DEPDC5: variants seen among roughly 807,000 people sequenced by gnomAD.
DEPDC5 encodes DEP domain containing 5, GATOR1 subcomplex subunit.
Under a neutral mutation model 217.3 loss-of-function variants are expected in DEPDC5, and 73 were observed. The ratio of observed to expected loss-of-function variants is 0.34; its 90% confidence interval spans 0.28 to 0.41. The LOEUF (loss-of-function observed/expected upper bound fraction) is 0.41. Among genes scored for constraint, DEPDC5 ranks in the 10% least tolerant of loss-of-function variants. The probability of loss-of-function intolerance (pLI) is 1.00; values close to 1 mark genes in which losing one functional copy is unlikely to be tolerated. For missense variants in DEPDC5, 1,675 were observed against 2,070.1 expected (o/e 0.81, Z 3.70); for synonymous variants, 733 against 756.7 (o/e 0.97, Z 0.51).
chr22:31,902,559 G>C (rs114143243), intron 41 of DEPDC5, among the ~76,000 whole-genome samples: 2,834 of 151,938 alleles, frequency 0.019, 74 homozygotes, highest in African/African-American at 0.059. Flanking sequence ...GCTTAGCAAA[G>C]ACTGTGGAAT....
In DEPDC5 at chr22:31,906,700, G is replaced by A. The variant is rs1382164538; in HGVS notation, c.*203G>A. On this transcript the variant is annotated 3_prime_UTR_variant, in exon 43 of 43. Coordinates refer to ENST00000651528, the MANE Select transcript of DEPDC5 (RefSeq NM_001242896.3). This position sits in a 1 kb window ranked among gnomAD's most constrained non-coding sequence, Gnocchi z 5.1. ...TCTTCTACTCTAGAAGAAAGACTTT[G>A]GAAGCAGCTGCTGCTGCTGCCACCA... 1.5e-6 allele frequency: 1 copy of A among 676,582 alleles called. No individual in the cohort carries two copies. The highest frequency in any genetic ancestry group is 1.8e-5 in the African/African-American group (1 of 55,318). The allele number at this position is 676,582 out of a possible 1,614,324, so 41.9% of individuals were successfully genotyped here.
intron 33 of DEPDC5, among the ~76,000 whole-genome samples, chr22:31,866,106 A>G (rs2092681320): frequency 6.6e-6 from 1 of 152,126 alleles, no homozygotes; most frequent in African/African-American, 2.4e-5. Flanking sequence ...TAGAAGACCC[A>G]TGGGGGATGC....
Position 31,845,221 on chromosome 22 carries a change from C to T in DEPDC5, c.3005C>T (p.Ser1002Leu). 1 of 1,613,882 alleles carries T rather than the reference C, an allele frequency of 6.2e-7. No homozygotes were observed. The highest frequency in any genetic ancestry group is 8.5e-7 in the Non-Finnish European group (1 of 1,179,930). The change falls in exon 30 of 43, where the codon TCG (serine) becomes TTG (leucine). Residue 1002 changes from serine (S) to leucine (L), a missense_variant. Physicochemically the swap from Ser to Leu is moderately radical, Grantham distance 145 (BLOSUM62 -2). Coordinates refer to ENST00000651528, the MANE Select transcript of DEPDC5 (RefSeq NM_001242896.3). ...AATCGCATTCGCAGGCGGCATCGCT[C>T]GGATCGCATGATGCGGGTAAGGGCT... ...GLNRIRRRHR[S>L]DRMMRKGTAM...
At chr22:31,864,618 T>C (rs1454215329) in intron 33 of DEPDC5, among the ~76,000 whole-genome samples, 1 of 151,252 alleles carries the variant, frequency 6.6e-6, no homozygotes, top group Non-Finnish European at 1.5e-5. Context: ...GGATTAGAAA[T>C]AATATCCATT....
At chr22:31,800,034 C>T (rs1479017905) in intron 14 of DEPDC5, among the ~76,000 whole-genome samples, 1 of 151,888 alleles carries the variant, frequency 6.6e-6, no homozygotes, top group Non-Finnish European at 1.5e-5. Flanking sequence ...ATCTCCTGAC[C>T]TCGTGATCCG....
rs1200864978 is a variant in DEPDC5, at chr22:31,758,535, T to C, written c.59-11T>C. 6.2e-7 allele frequency: 1 copy of C among 1,613,454 alleles called. No homozygotes were observed. ...TGTTTTTCTACTTGAAGTGGCTGAA[T>C]TGTCTTTCAGATGATGAGCTAGTTG... On this transcript the variant is annotated splice_polypyrimidine_tract_variant and intron_variant, in intron 2 of 42. Coordinates refer to ENST00000651528, the MANE Select transcript of DEPDC5 (RefSeq NM_001242896.3).
At chr22:31,900,601 C>T (rs9621363) in intron 40 of DEPDC5, among the ~76,000 whole-genome samples, 23,217 of 151,838 alleles carry the variant, frequency 0.15, 2,714 homozygotes, top group African/African-American at 0.33. Context: ...TAGCTGGGCG[C>T]TGTGGCACAT....
intron 24 of DEPDC5, among the ~76,000 whole-genome samples, chr22:31,823,522 G>A (rs2089892451): frequency 1.6e-5 from 2 of 122,834 alleles, no homozygotes; most frequent in Admixed American, 1.0e-4. Flanking sequence ...TGCACAGCCA[G>A]ACTCCATCTC....
At chr22:31,862,230 G>A (rs1007130138) in intron 33 of DEPDC5, among the ~76,000 whole-genome samples, 13 of 151,502 alleles carry the variant, frequency 8.6e-5, no homozygotes, top group Admixed American at 4.6e-4. Flanking sequence ...CAACAAGAGC[G>A]AAACTCCATC....
chr22:31,783,590 C>T (rs1223576962), intron 8 of DEPDC5, among the ~76,000 whole-genome samples: 1 of 152,026 alleles, frequency 6.6e-6, no homozygotes, highest in Non-Finnish European at 1.5e-5. Context: ...CATCCTGGAG[C>T]CTGGGAGTTT....
chr22:31,884,952 C>T (rs978186281), intron 38 of DEPDC5, among the ~76,000 whole-genome samples: 18 of 152,172 alleles, frequency 1.2e-4, no homozygotes, highest in African/African-American at 4.3e-4. Flanking sequence ...CTTTTAGTTA[C>T]CTTCAATATT....
chr22:31,863,257 C>T (rs905316889), intron 33 of DEPDC5, among the ~76,000 whole-genome samples: 3 of 152,304 alleles, frequency 2.0e-5, no homozygotes, highest in Admixed American at 6.5e-5. Flanking sequence ...ACCTCCACCT[C>T]GAAGGTTCAA....
At chr22:31,834,307 C>T in intron 25 of DEPDC5, 2 of 291,954 alleles carry the variant, frequency 6.9e-6, no homozygotes, top group Non-Finnish European at 1.3e-5. Context: ...GTTGGAAAGA[C>T]ATAATAGGCT....
intron 2 of DEPDC5, among the ~76,000 whole-genome samples, chr22:31,758,303 C>T (rs2082102551): frequency 6.6e-6 from 1 of 152,098 alleles, no homozygotes; most frequent in African/African-American, 2.4e-5. Flanking sequence ...GGAAGCAGTG[C>T]GGTAGTAGAA....
intron 24 of DEPDC5, among the ~76,000 whole-genome samples, chr22:31,826,850 A>C (rs970429615): frequency 6.6e-6 from 1 of 152,048 alleles, no homozygotes; most frequent in African/African-American, 2.4e-5. Flanking sequence ...TTTGAATAAC[A>C]CACAATATTA....
At chr22:31,807,736 C>T (rs547609180) in intron 18 of DEPDC5, among the ~76,000 whole-genome samples, 1 of 152,028 alleles carries the variant, frequency 6.6e-6, no homozygotes, top group African/African-American at 2.4e-5. Context: ...CCGGCCAGAA[C>T]TCGAAAAAGT....
intron 41 of DEPDC5, among the ~76,000 whole-genome samples, chr22:31,905,515 G>A (rs1344170138): frequency 1.3e-5 from 2 of 151,916 alleles, no homozygotes; most frequent in African/African-American, 2.4e-5. Flanking sequence ...TGGAGGAATG[G>A]ATAGCCTCGA....
chr22:31,789,729 A>C (rs2085416450), intron 10 of DEPDC5, among the ~76,000 whole-genome samples: 1 of 152,150 alleles, frequency 6.6e-6, no homozygotes, highest in Admixed American at 6.5e-5. Flanking sequence ...AGTTTGGATT[A>C]AGGCAGACTG....
chr22:31,789,766 T>C (rs181845985), intron 10 of DEPDC5, among the ~76,000 whole-genome samples: 3 of 146,646 alleles, frequency 2.0e-5, no homozygotes, highest in Admixed American at 6.8e-5. Flanking sequence ...ATCAGCTTGC[T>C]TTTTTTTTTT....
Sources: allele counts gnomAD v4.1 joint callset (sites outside exome capture counted in the v4.1 genomes callset), GRCh38; gene constraint gnomAD v4.1.1; non-coding constraint Gnocchi (gnomAD v3.1); transcripts MANE v1.5; gene names NCBI Gene and HGNC (gene_info 2026-07-23, HGNC 2026-07-21).